EMC8: variants seen among roughly 807,000 people sequenced by gnomAD.
The protein encoded by EMC8 is ER membrane protein complex subunit 8.
In EMC8, 11 loss-of-function variants were observed where a neutral mutation model predicts 24.3. That is an observed-to-expected ratio of 0.45 (90% CI 0.28 to 0.75). The LOEUF is 0.75. EMC8 is among the 30% of genes least tolerant of loss of function. EMC8 has a pLI of 0.12. For synonymous variants in EMC8, 145 were observed against 117.7 expected (o/e 1.23, Z -1.50); for missense variants, 277 against 282.7 (o/e 0.98, Z 0.14).
At position 85,788,937 on chromosome 16, in the gene EMC8, C is replaced by T. The variant is rs751465400; in HGVS notation, c.308+37G>A. On this transcript the variant is annotated intron_variant, in intron 2 of 4. Transcript: ENST00000253457. ...AGACGGGGTCTGCCCAACACGTGCT[C>T]ACTTCCTCGCCCACAGAGGGTTCTG... 20 of 1,491,108 alleles carry T rather than the reference C, an allele frequency of 1.3e-5. No individual in the cohort carries two copies. The South Asian group carries it at 2.3e-4, about 17-fold the overall frequency. 92.4% of individuals were successfully genotyped at this position (1,491,108 alleles called of 1,614,324 possible).
intron 4 of EMC8, chr16:85,780,102 T>C (rs1315800125): frequency 1.7e-6 from 1 of 600,848 alleles, no homozygotes; most frequent in Non-Finnish European, 3.0e-6. Flanking sequence ...GGCAGATGAC[T>C]GAAGCTTTCT....
intron 2 of EMC8, among the ~76,000 whole-genome samples, chr16:85,785,863 A>T (rs1861288350): frequency 6.6e-6 from 1 of 152,178 alleles, no homozygotes; most frequent in Non-Finnish European, 1.5e-5. Context: ...ATGTGTATCT[A>T]AAAGCTTCCT....
Position 85,799,038 on chromosome 16 carries a change from A to C in EMC8, c.231+27T>G, listed in dbSNP as rs1905438764. On this transcript the variant is annotated intron_variant, in intron 1 of 4. Coordinates refer to ENST00000253457, the MANE Select transcript of EMC8 (RefSeq NM_006067.5). The surrounding 1 kb of genome is among the most constrained non-coding windows in gnomAD (Gnocchi z 4.2). ...CTGAGGGGAGGCCAGGCTGCCTGCA[A>C]GGGGAAGGGGCCCTTTCCGCGCTTA... The C allele has an allele frequency of 3.4e-6, 5 of 1,456,854 alleles. No individual in the cohort carries two copies. The highest frequency in any genetic ancestry group is 1.4e-5 in the African/African-American group (1 of 71,288). 90.2% of individuals were successfully genotyped at this position (1,456,854 alleles called of 1,614,324 possible).
intron 4 of EMC8, chr16:85,780,087 T>C (rs1904416564): frequency 1.7e-6 from 1 of 602,006 alleles, no homozygotes. Context: ...TCTGAGAAAG[T>C]TGGAGGCAGA....
Position 85,780,401 on chromosome 16 carries a change from A to G in EMC8, c.451T>C (p.Trp151Arg). ...CACTGGTGTGGGTCTCTGCACCGCCATCTGTTCTCATGGTGCTCGTACACG... is the reference window on the plus strand; with the variant it reads ...CACTGGTGTGGGTCTCTGCACCGCCGTCTGTTCTCATGGTGCTCGTACACG... ...IHVYEHHENR[W>R]RCRDPHHDYC... Residue 151 changes from tryptophan to arginine, a missense_variant, in exon 4 of 5, where the codon TGG becomes CGG. Coordinates refer to ENST00000253457, the MANE Select transcript of EMC8 (RefSeq NM_006067.5). 1.2e-6 allele frequency: 2 copies of G among 1,614,136 alleles called. No homozygotes were observed. The highest frequency in any genetic ancestry group is 1.7e-6 in the Non-Finnish European group (2 of 1,179,976).
chr16:85,788,064 C>A (rs563539178), intron 2 of EMC8, among the ~76,000 whole-genome samples: 1 of 152,220 alleles, frequency 6.6e-6, no homozygotes, highest in South Asian at 2.1e-4. Context: ...CATGAGGAAG[C>A]CACGTCAGGG....
intron 3 of EMC8, chr16:85,780,852 C>A: frequency 2.3e-6 from 1 of 439,692 alleles, no homozygotes; most frequent in South Asian, 2.5e-5. Flanking sequence ...TCACACTTGG[C>A]ATGTTCAGAC....
At chr16:85,794,138 T>C (rs1905143140) in intron 1 of EMC8, among the ~76,000 whole-genome samples, 1 of 152,226 alleles carries the variant, frequency 6.6e-6, no homozygotes, top group Non-Finnish European at 1.5e-5. Flanking sequence ...TTGTGAAAAC[T>C]GCATCTTCTA....
chr16:85,780,446 A>G lies in EMC8; in HGVS notation c.406T>C (p.Cys136Arg), dbSNP rs1904436965. The change falls in exon 4 of 5, where the codon TGC (cysteine) becomes CGC (arginine). Residue 136 changes from cysteine (C) to arginine (R), a missense_variant. Coordinates refer to ENST00000253457, the MANE Select transcript of EMC8 (RefSeq NM_006067.5). ...MVDNTKFTMD[C>R]VAPTIHVYEH... ...TACACGTGGATCGTAGGCGCTACGC[A>G]GTCCATCGTAAACTTGGTGTTGTCT... The G allele has an allele frequency of 6.2e-7, 1 of 1,614,042 alleles. No individual in the cohort carries two copies.
chr16:85,784,714 C>A (rs1904672455), intron 2 of EMC8: 1 of 152,108 alleles, frequency 6.6e-6, no homozygotes, highest in African/African-American at 2.4e-5. Context: ...AGAGTGGGTA[C>A]AGAGCCCTCA....
chr16:85,792,090 C>G (rs1024631505), intron 1 of EMC8, among the ~76,000 whole-genome samples: 7 of 152,342 alleles, frequency 4.6e-5, no homozygotes, highest in Non-Finnish European at 7.3e-5. Flanking sequence ...CTTTCCTGGG[C>G]TGAAGCCACC....
intron 1 of EMC8, among the ~76,000 whole-genome samples, chr16:85,791,859 G>A (rs1905026137): frequency 6.6e-6 from 1 of 152,134 alleles, no homozygotes; most frequent in Non-Finnish European, 1.5e-5. Context: ...GGTAATCCAG[G>A]ATATTCTCTC....
intron 1 of EMC8, among the ~76,000 whole-genome samples, chr16:85,792,099 C>T (rs535950074): frequency 2.6e-5 from 4 of 152,218 alleles, no homozygotes; most frequent in Non-Finnish European, 5.9e-5. Context: ...GCTGAAGCCA[C>T]CTGGTTAGGA....
chr16:85,786,987 A>C (rs1227791322), intron 2 of EMC8, among the ~76,000 whole-genome samples: 2 of 151,892 alleles, frequency 1.3e-5, no homozygotes, highest in Non-Finnish European at 2.9e-5. Context: ...TGCCATTCCC[A>C]CTTGCCCAGT....
chr16:85,799,105 G>A lies in EMC8; in HGVS notation c.191C>T (p.Thr64Ile), dbSNP rs1905446482. The A allele has an allele frequency of 6.3e-7, 1 of 1,577,552 alleles. No homozygotes were observed. The highest frequency in any genetic ancestry group is 8.6e-7 in the Non-Finnish European group (1 of 1,161,964). Residue 64 changes from threonine to isoleucine, a missense_variant, in exon 1 of 5, where the codon ACC becomes ATC. Coordinates refer to ENST00000253457, the MANE Select transcript of EMC8 (RefSeq NM_006067.5). The surrounding 1 kb of genome is among the most constrained non-coding windows in gnomAD (Gnocchi z 4.2). ...CTCCAGCATGGGGGCGAGGGCCAGGGTGCCGTGGAAGAGGGGGATGCAGTC... is the reference window on the plus strand; with the variant it reads ...CTCCAGCATGGGGGCGAGGGCCAGGATGCCGTGGAAGAGGGGGATGCAGTC... Reference protein sequence around the residue: ...FVDCIPLFHGTLALAPMLEVA... With the variant: ...FVDCIPLFHGILALAPMLEVA...
At chr16:85,795,977 G>A (rs182252112) in intron 1 of EMC8, among the ~76,000 whole-genome samples, 1 of 152,280 alleles carries the variant, frequency 6.6e-6, no homozygotes, top group African/African-American at 2.4e-5. Context: ...CTTCTTCTGT[G>A]TTGACTGTTG....
chr16:85,783,929 G>C (rs1033174755), intron 2 of EMC8, among the ~76,000 whole-genome samples: 7 of 152,220 alleles, frequency 4.6e-5, no homozygotes, highest in African/African-American at 1.7e-4. Context: ...CTTTCCTTCT[G>C]TGCATCCTGT....
At chr16:85,788,824 C>T (rs192200791) in intron 2 of EMC8, 150 bp downstream of exon 2, 18 of 664,354 alleles carry the variant, frequency 2.7e-5, no homozygotes, top group Non-Finnish European at 4.0e-5. Flanking sequence ...ATTATCCACA[C>T]CACAGTTCGC....
intron 2 of EMC8, among the ~76,000 whole-genome samples, chr16:85,787,846 A>G (rs1473142636): frequency 6.6e-6 from 1 of 152,140 alleles, no homozygotes; most frequent in African/African-American, 2.4e-5. Flanking sequence ...TTATGTTTCT[A>G]AATTTGGGTT....
Sources: gnomAD v4.1 joint callset for allele counts (sites outside exome capture counted in the v4.1 genomes callset) on GRCh38, gnomAD v4.1.1 for gene constraint, Gnocchi (gnomAD v3.1) non-coding constraint, MANE v1.5 for transcripts, NCBI Gene and HGNC (gene_info 2026-07-23, HGNC 2026-07-21) for gene names.